The following ABI2 variants were observed in gnomAD, a reference collection of about 807,000 sequenced individuals.
ABI2 encodes the protein abl interactor 2.
A neutral mutation model predicts 59.2 loss-of-function variants in ABI2; 25 were observed. That is an observed-to-expected ratio of 0.42 (90% CI 0.31 to 0.59). The LOEUF (loss-of-function observed/expected upper bound fraction) is 0.59, where lower values mean the gene tolerates loss of function less well. Ranked by LOEUF, ABI2 falls within the 20% of genes least tolerant of loss-of-function variation. The probability of loss-of-function intolerance (pLI) is 0.14; values close to 1 mark genes in which losing one functional copy is unlikely to be tolerated. For missense variants in ABI2, 545 were observed against 681.8 expected (o/e 0.80, Z 2.23); for synonymous variants, 213 against 235.5 (o/e 0.90, Z 0.87).
intron 11 of ABI2, among the ~76,000 whole-genome samples, chr2:203,425,403 A>G (rs936470778): frequency 6.6e-6 from 1 of 151,902 alleles, no homozygotes; most frequent in Admixed American, 6.6e-5. Flanking sequence ...GGGTTTCACC[A>G]TGTTGGCCAG....
At chr2:203,342,555 T>TATTTATTTA (rs2080611889) in intron 1 of ABI2, among the ~76,000 whole-genome samples, 1 of 142,788 alleles carries the variant, frequency 7.0e-6, no homozygotes, top group South Asian at 2.2e-4. Flanking sequence ...CAAAACCTTT[T>TATTTATTTA]ATTTATTTAT....
In ABI2 at chr2:203,348,861, A is replaced by T. The variant is rs545945626; in HGVS notation, c.118-18016A>T. Reference sequence around the variant, plus strand: ...AAATTTCTTTTATTTTTAATTAAAAATTTTTTTAAAAAATAGTACAAAGCC... The same window carrying T: ...AAATTTCTTTTATTTTTAATTAAAATTTTTTTTAAAAAATAGTACAAAGCC... On this transcript the variant is annotated intron_variant, in intron 1 of 11. Coordinates refer to ENST00000261018, the MANE Select transcript of ABI2 (RefSeq NM_001375670.1). Among the ~76,000 whole-genome samples, 112 of 152,112 alleles carry T rather than the reference A, an allele frequency of 7.4e-4. 1 individual carries two copies. Among genetic ancestry groups the T allele is most frequent in the African/African-American group, 1.7e-3 (71 of 41,518 alleles).
At chr2:203,344,267 C>A (rs983025392) in intron 1 of ABI2, among the ~76,000 whole-genome samples, 1 of 152,144 alleles carries the variant, frequency 6.6e-6, no homozygotes, top group East Asian at 1.9e-4. Context: ...AGGAAACAAT[C>A]TTTAATAATA....
Position 203,366,863 on chromosome 2 carries a change from G to GA in ABI2, c.118-14_118-13insA. The GA allele has an allele frequency of 6.6e-7, 1 of 1,525,140 alleles. No individual in the cohort carries two copies. 94.5% of individuals were successfully genotyped at this position (1,525,140 alleles called of 1,614,324 possible). Reference sequence around the variant, plus strand: ...TTTTTGAATTAATGATCACTGGTTTGTTTTTTTTCCCAGTCAGCAGATAAG... The same window carrying GA: ...TTTTTGAATTAATGATCACTGGTTTGATTTTTTTTCCCAGTCAGCAGATAAG... On this transcript the variant is annotated splice_polypyrimidine_tract_variant and intron_variant, in intron 1 of 11. Coordinates refer to ENST00000261018, the MANE Select transcript of ABI2 (RefSeq NM_001375670.1).
chr2:203,367,252 G>C (rs1342382930), intron 2 of ABI2: 1 of 593,204 alleles, frequency 1.7e-6, no homozygotes, highest in Non-Finnish European at 2.4e-6. Context: ...AAATCGTAAT[G>C]AATTTTATTA....
chr2:203,338,983 A>AATATATAT lies in ABI2; in HGVS notation c.117+10370_117+10377dup, dbSNP rs1212962939. On this transcript the variant is annotated intron_variant, in intron 1 of 11. Transcript: ENST00000261018. ...ATATAAATATATATATATATATATA[A>AATATATAT]ATATATATATATATATATATATATA... Among the ~76,000 whole-genome samples, 91 of 12,294 alleles carry AATATATAT rather than the reference A, an allele frequency of 7.4e-3. 1 individual carries two copies. The highest frequency in any genetic ancestry group is 0.019 in the African/African-American group (72 of 3,782). The allele number at this position is 12,294 out of a possible 152,430, so 8.1% of individuals were successfully genotyped here.
chr2:203,389,905 T>TG (rs955964906), intron 4 of ABI2, among the ~76,000 whole-genome samples: 1 of 152,194 alleles, frequency 6.6e-6, no homozygotes, highest in African/African-American at 2.4e-5. Context: ...TTCCTACACT[T>TG]GCATTTTCAG....
At chr2:203,386,492 A>C (rs2096526760) in intron 4 of ABI2, 1 of 424,384 alleles carries the variant, frequency 2.4e-6, no homozygotes, top group African/African-American at 2.5e-5. Context: ...CCCAGTCTGG[A>C]ATCCTGTTCT....
At chr2:203,346,772 CAAAATAATAACCT>C (rs2083871869) in intron 1 of ABI2, among the ~76,000 whole-genome samples, 1 of 152,082 alleles carries the variant, frequency 6.6e-6, no homozygotes, top group South Asian at 2.1e-4. Context: ...AGAGCAGGGA[CAAAATAATAACCT>C]GTGGCCAAAA....
Position 203,354,509 on chromosome 2 carries a change from G to C in ABI2, c.118-12368G>C, listed in dbSNP as rs150387734. ...ATATCAGTAAACTACCAATTGTCAAGACCTTCGAAGGGACTGAATTTTTAC... is the reference window on the plus strand; with the variant it reads ...ATATCAGTAAACTACCAATTGTCAACACCTTCGAAGGGACTGAATTTTTAC... On this transcript the variant is annotated intron_variant, in intron 1 of 11. Transcript: ENST00000261018. 5.4e-3 allele frequency among the ~76,000 whole-genome samples: 816 copies of C among 152,200 alleles called. 9 individuals are homozygous for C. The highest frequency in any genetic ancestry group is 0.018 in the African/African-American group (741 of 41,496).
intron 4 of ABI2, among the ~76,000 whole-genome samples, chr2:203,386,321 C>G (rs2096507843): frequency 6.6e-6 from 1 of 151,060 alleles, no homozygotes; most frequent in Non-Finnish European, 1.5e-5. Flanking sequence ...GGGTCTTGCT[C>G]TGTTGCTCAG....
chr2:203,431,713 TAAAAC>T lies in ABI2; in HGVS notation c.*4362_*4366del, dbSNP rs1343420638. 2.0e-5 allele frequency: 3 copies of T among 150,652 alleles called. No homozygotes were observed. Among genetic ancestry groups the T allele is most frequent in the East Asian group, 3.9e-4 (2 of 5,162 alleles). The allele number at this position is 150,652 out of a possible 1,614,324, so 9.3% of individuals were successfully genotyped here. A position where few individuals can be genotyped will look rare whatever the true frequency, so the allele number is the denominator to read the frequency against. Reference sequence around the variant, plus strand: ...ATAATTATTAAAAAAAAAAAACAATTAAAACGAAACGGCGGGGCCTAGCTGTGTAT... The same window carrying T: ...ATAATTATTAAAAAAAAAAAACAATTGAAACGGCGGGGCCTAGCTGTGTAT... On this transcript the variant is annotated 3_prime_UTR_variant, in exon 12 of 12. Coordinates refer to ENST00000261018, the MANE Select transcript of ABI2 (RefSeq NM_001375670.1).
chr2:203,422,741 G>A (rs544627838), intron 11 of ABI2, among the ~76,000 whole-genome samples: 2 of 152,218 alleles, frequency 1.3e-5, no homozygotes, highest in Admixed American at 1.3e-4. Context: ...GGGGCAGAAG[G>A]AATATGGCTG....
In ABI2 at chr2:203,417,024, A is replaced by C. The variant is rs1376503242; in HGVS notation, c.1396A>C (p.Ser466Arg). 6.2e-7 allele frequency: 1 copy of C among 1,614,054 alleles called. No homozygotes were observed. Among genetic ancestry groups the C allele is most frequent in the Non-Finnish European group, 8.5e-7 (1 of 1,180,026 alleles). The change falls in exon 11 of 12, where the codon AGT becomes CGT. Residue 466 changes from serine to arginine, a missense_variant. By Grantham distance (110) the Ser-to-Arg change is moderately radical. Transcript: ENST00000261018. ...GGAGGAAGCTGCTGTGGTTGAGTAT[A>C]GTGATCCTTATGCTGAAGAGGACCC... is the stretch of plus-strand genomic sequence containing the variant. ...EEEEAAVVEY[S>R]DPYAEEDPPW...
At chr2:203,376,730 TC>T (rs1380979654) in intron 2 of ABI2, among the ~76,000 whole-genome samples, 2 of 130,250 alleles carry the variant, frequency 1.5e-5, no homozygotes, top group African/African-American at 5.3e-5. Context: ...GTATTGGTCT[TC>T]CCTTTTTTTT....
At chr2:203,335,940 G>A (rs137877694) in intron 1 of ABI2, among the ~76,000 whole-genome samples, 108 of 152,260 alleles carry the variant, frequency 7.1e-4, no homozygotes, top group African/African-American at 2.0e-3. Context: ...TGTACCCTCT[G>A]TAGTCAGTCC....
chr2:203,421,223 A>G (rs769013230), intron 11 of ABI2, among the ~76,000 whole-genome samples: 18 of 152,190 alleles, frequency 1.2e-4, no homozygotes, highest in Non-Finnish European at 2.2e-4. Context: ...TTTTGGATAA[A>G]CTTTGAAGCA....
rs1016904074 is a variant in ABI2 at position 203,428,469 on chromosome 2, G to C, written c.*1117G>C. Reference sequence around the variant, plus strand: ...GCTGTAGAAAGGGTAATACTCTCCTGATTTTGTATGATTGGACTCTTAAGT... The same window carrying C: ...GCTGTAGAAAGGGTAATACTCTCCTCATTTTGTATGATTGGACTCTTAAGT... On this transcript the variant is annotated 3_prime_UTR_variant, in exon 12 of 12. Coordinates refer to ENST00000261018, the MANE Select transcript of ABI2 (RefSeq NM_001375670.1). The C allele has an allele frequency of 7.9e-5, 12 of 152,550 alleles. No individual in the cohort carries two copies. Among genetic ancestry groups the C allele is most frequent in the African/African-American group, 2.9e-4 (12 of 41,420 alleles). The allele number at this position is 152,550 out of a possible 1,614,324, so 9.4% of individuals were successfully genotyped here.
intron 11 of ABI2, among the ~76,000 whole-genome samples, chr2:203,422,165 G>C (rs961504863): frequency 6.6e-6 from 1 of 152,112 alleles, no homozygotes; most frequent in Non-Finnish European, 1.5e-5. Context: ...AGACATGGTG[G>C]TGCATGCCTG....
Sources: allele counts gnomAD v4.1 joint callset (sites outside exome capture counted in the v4.1 genomes callset), GRCh38; gene constraint gnomAD v4.1.1; transcripts MANE v1.5; gene names NCBI Gene and HGNC (gene_info 2026-07-23, HGNC 2026-07-21).